ARHGEF18: variants seen among roughly 807,000 people sequenced by gnomAD.
The protein encoded by ARHGEF18 is rho guanine nucleotide exchange factor 18.
In ARHGEF18, 93 loss-of-function variants were observed where a neutral mutation model predicts 155.7. The observed-to-expected ratio is 0.60, with a 90% CI of 0.50 to 0.71. The LOEUF is 0.71. ARHGEF18 is among the 30% of genes least tolerant of loss of function. ARHGEF18 has a pLI of 0.00. For missense variants in ARHGEF18, 1,593 were observed against 1,816.1 expected (o/e 0.88, Z 2.23); for synonymous variants, 742 against 753.1 (o/e 0.99, Z 0.24).
intron 16 of ARHGEF18, among the ~76,000 whole-genome samples, chr19:7,451,971 G>T (rs921009373): frequency 1.3e-5 from 2 of 151,016 alleles, no homozygotes; most frequent in African/African-American, 4.9e-5. Context: ...ATCCACCCAT[G>T]TTGGCCTCCC....
At chr19:7,422,221 C>T (rs1973388904) in intron 10 of ARHGEF18, among the ~76,000 whole-genome samples, 1 of 152,142 alleles carries the variant, frequency 6.6e-6, no homozygotes, top group Non-Finnish European at 1.5e-5. Flanking sequence ...AAAACCTTCC[C>T]CTGGCTCCTA....
chr19:7,444,191 T>A lies in ARHGEF18; in HGVS notation c.1361-13T>A, dbSNP rs1442267474. On this transcript the variant is annotated splice_polypyrimidine_tract_variant and intron_variant, in intron 13 of 28. Transcript: ENST00000668164. The surrounding 1 kb of genome is among the most constrained non-coding windows in gnomAD (Gnocchi z 4.7). ...GCCAGCATGGCTAAGTCCTGCCGTCTGTGTCCCTGCAGAGCTGATGCAGAC... is the reference window on the plus strand; with the variant it reads ...GCCAGCATGGCTAAGTCCTGCCGTCAGTGTCCCTGCAGAGCTGATGCAGAC... 6.2e-7 allele frequency: 1 copy of A among 1,608,800 alleles called. No individual in the cohort carries two copies. Among genetic ancestry groups the A allele is most frequent in the Non-Finnish European group, 8.5e-7 (1 of 1,176,578 alleles).
rs532831890 is a variant in ARHGEF18, at chr19:7,373,045, G to A, written c.249G>A (p.Ser83=). ...CAAGGCGGCGCAGCTGGGAAAGGTCGCGGAGCTGCTCAGAGAGCTGGCGGA... is the reference window on the plus strand; with the variant it reads ...CAAGGCGGCGCAGCTGGGAAAGGTCACGGAGCTGCTCAGAGAGCTGGCGGA... ...DLSRRRSWER[S]RSCSESWRRL... is the part of the protein sequence containing the mutation. The change falls in exon 3 of 29, where the codon TCG becomes TCA. Residue 83 remains serine (S), a synonymous_variant. Coordinates refer to ENST00000668164, the MANE Select transcript of ARHGEF18 (RefSeq NM_001367823.1). 37 of 1,234,450 alleles carry A rather than the reference G, an allele frequency of 3.0e-5. No homozygotes were observed. In the Admixed American group the frequency reaches 5.1e-4, roughly 17 times the overall value. The allele number at this position is 1,234,450 out of a possible 1,614,324, so 76.5% of individuals were successfully genotyped here. A position where few individuals can be genotyped will look rare whatever the true frequency, so the allele number is the denominator to read the frequency against.
At chr19:7,451,072 G>T in intron 15 of ARHGEF18, 77 bp from the exon 16 acceptor site, 1 of 1,161,254 alleles carries the variant, frequency 8.6e-7, no homozygotes. Flanking sequence ...CTTGCTGTCC[G>T]TTTCTGAGAT....
intron 10 of ARHGEF18, among the ~76,000 whole-genome samples, chr19:7,385,833 A>ATCTCTCTCTCTCTCTCTCTCTCTC (rs762196307): frequency 1.9e-5 from 1 of 51,958 alleles, no homozygotes; most frequent in Non-Finnish European, 3.6e-5. Context: ...ATCTCTCTCT[A>ATCTCTCTCTCTCTCTCTCTCTCTC]TCTCTCTCTC....
At chr19:7,466,869 G>T in intron 23 of ARHGEF18, 49 bp from the exon 24 acceptor site, 3 of 1,507,226 alleles carry the variant, frequency 2.0e-6, no homozygotes, top group Non-Finnish European at 2.8e-6. Context: ...GAGTCTAGTC[G>T]GATGGGTCTT....
chr19:7,456,967 C>T (rs1439083662), intron 18 of ARHGEF18, among the ~76,000 whole-genome samples: 1 of 152,030 alleles, frequency 6.6e-6, no homozygotes, highest in Non-Finnish European at 1.5e-5. Context: ...ATCTTCTAAC[C>T]TCAAGTGATC....
Position 7,451,284 on chromosome 19 carries a change from T to A in ARHGEF18, c.1855+18T>A. 6.2e-7 allele frequency: 1 copy of A among 1,608,048 alleles called. No individual in the cohort carries two copies. The highest frequency in any genetic ancestry group is 1.7e-5 in the Admixed American group (1 of 59,870). ...CACGGAAGGTAGGCCTTCTCCCCAC[T>A]GCCCCGCCCGCCCGTGCTGCTGCAG... On this transcript the variant is annotated intron_variant, in intron 16 of 28. Coordinates refer to ENST00000668164, the MANE Select transcript of ARHGEF18 (RefSeq NM_001367823.1).
chr19:7,439,769 T>C, intron 10 of ARHGEF18: 3 of 1,403,682 alleles, frequency 2.1e-6, no homozygotes, highest in African/African-American at 1.4e-5. Context: ...TGCGAGGTTT[T>C]GGCATGAAGC....
Position 7,453,701 on chromosome 19 carries a change from C to T in ARHGEF18, c.2090C>T (p.Ser697Leu). Residue 697 changes from serine to leucine, a missense_variant, in exon 17 of 29, where the codon TCA becomes TTA. Ser to Leu is a moderately radical substitution (Grantham distance 145). Transcript: ENST00000668164. ...LEGMLCWKTT[S>L]GRLKDILAIL... ...GGCATGCTATGCTGGAAGACCACAT[C>T]AGGGCGCTTGAAAGGTAAAGGCCTG... The T allele has an allele frequency of 4.5e-6, 7 of 1,569,586 alleles. No homozygotes were observed. The highest frequency in any genetic ancestry group is 5.2e-6 in the Non-Finnish European group (6 of 1,155,592).
chr19:7,354,352 T>G (rs1969230398), intron 1 of ARHGEF18, among the ~76,000 whole-genome samples: 1 of 151,930 alleles, frequency 6.6e-6, no homozygotes, highest in Admixed American at 6.6e-5. Flanking sequence ...ATGCCTGTTA[T>G]CCCAGCACTT....
chr19:7,445,745 G>A (rs1000498495), intron 14 of ARHGEF18, among the ~76,000 whole-genome samples: 3 of 151,880 alleles, frequency 2.0e-5, no homozygotes, highest in Admixed American at 1.3e-4. Context: ...TCAGCCTCCC[G>A]AGTAGCTGGG....
chr19:7,352,947 C>T (rs1969195311), intron 1 of ARHGEF18, among the ~76,000 whole-genome samples: 2 of 140,598 alleles, frequency 1.4e-5, no homozygotes, highest in African/African-American at 2.6e-5. Context: ...AGCGATTCTC[C>T]TGCCTCAGCC....
At chr19:7,363,030 C>A in intron 2 of ARHGEF18, 125 bp downstream of exon 2, 1 of 1,113,586 alleles carries the variant, frequency 9.0e-7, no homozygotes, top group Non-Finnish European at 1.1e-6. Context: ...CTCATCGAAA[C>A]TTGCAAAGTC....
chr19:7,461,284 C>T (rs1018792755), intron 20 of ARHGEF18, among the ~76,000 whole-genome samples: 4 of 152,012 alleles, frequency 2.6e-5, no homozygotes, highest in African/African-American at 9.7e-5. Flanking sequence ...TGCGGTGGCT[C>T]ACGCCTGTAA....
chr19:7,452,212 A>G (rs953767576), intron 16 of ARHGEF18, among the ~76,000 whole-genome samples: 40 of 152,350 alleles, frequency 2.6e-4, no homozygotes, highest in Admixed American at 2.3e-3. Flanking sequence ...AAACAGACCC[A>G]GAGATGGCCT....
At chr19:7,360,092 C>T (rs12974556) in intron 1 of ARHGEF18, among the ~76,000 whole-genome samples, 143,674 of 152,098 alleles carry the variant, frequency 0.94, 67,910 homozygotes, top group Middle Eastern at 0.99. Flanking sequence ...GAGGTGGAGA[C>T]TGCAGTGAGC....
chr19:7,447,562 C>T (rs375734020), intron 15 of ARHGEF18, among the ~76,000 whole-genome samples: 1 of 151,998 alleles, frequency 6.6e-6, no homozygotes, highest in East Asian at 1.9e-4. Context: ...GGGGTTTTTC[C>T]ACAGAATTGT....
intron 1 of ARHGEF18, among the ~76,000 whole-genome samples, chr19:7,350,865 G>A (rs934574196): frequency 2.7e-5 from 4 of 150,682 alleles, no homozygotes; most frequent in African/African-American, 4.9e-5. Flanking sequence ...GTACATTGGT[G>A]CAATCTCAGC....
Sources: gnomAD v4.1 joint callset for allele counts (sites outside exome capture counted in the v4.1 genomes callset) on GRCh38, gnomAD v4.1.1 for gene constraint, Gnocchi (gnomAD v3.1) non-coding constraint, MANE v1.5 for transcripts, NCBI Gene and HGNC (gene_info 2026-07-23, HGNC 2026-07-21) for gene names.